Variants in COL4A3 observed in about 807,000 individuals in gnomAD.
The protein encoded by COL4A3 is collagen alpha-3(IV) chain.
In COL4A3, 135 loss-of-function variants were observed where a neutral mutation model predicts 217.4. That is an observed-to-expected ratio of 0.62 (90% CI 0.54 to 0.72). The LOEUF (loss-of-function observed/expected upper bound fraction) is 0.72. COL4A3 is among the 30% of genes least tolerant of loss of function. The probability of loss-of-function intolerance (pLI) is 0.00; values close to 1 mark genes in which losing one functional copy is unlikely to be tolerated. For synonymous variants in COL4A3, 690 were observed against 736.3 expected (o/e 0.94, Z 1.02); for missense variants, 1,868 against 2,119.9 (o/e 0.88, Z 2.33).
chr2:227,297,464 C>T (rs1221263021), intron 41 of COL4A3, among the ~76,000 whole-genome samples: 2 of 152,164 alleles, frequency 1.3e-5, no homozygotes, highest in South Asian at 4.1e-4. Flanking sequence ...CAAGATCAGA[C>T]AGCTAGTTGG....
chr2:227,166,221 T>C (rs2065271332), intron 1 of COL4A3, among the ~76,000 whole-genome samples: 1 of 152,268 alleles, frequency 6.6e-6, no homozygotes, highest in Admixed American at 6.5e-5. Context: ...GTAATCTGTT[T>C]GTGTAGCTGG....
chr2:227,266,571 AT>A, intron 22 of COL4A3, 62 bp downstream of exon 22: 3 of 1,301,136 alleles, frequency 2.3e-6, no homozygotes, highest in Admixed American at 1.8e-5. Context: ...ATTATCACTG[AT>A]TTTTCCCCCT....
intron 1 of COL4A3, among the ~76,000 whole-genome samples, chr2:227,202,846 CATATGTGTATATATACAT>C (rs1373138699): frequency 3.2e-5 from 1 of 31,470 alleles, no homozygotes; most frequent in East Asian, 1.4e-3. Flanking sequence ...TGTATATATA[CATATGTGTATATATACAT>C]ATATGTGTAT....
rs1490688611 is a variant in COL4A3 at position 227,254,176 on chromosome 2, T to G, written c.828+2T>G. ...GAGCCTGGACCTCCTGGACCCTCAGTAGGTTATTTAAAGTTATATTGTCCC... is the reference window on the plus strand; with the variant it reads ...GAGCCTGGACCTCCTGGACCCTCAGGAGGTTATTTAAAGTTATATTGTCCC... On this transcript the variant is annotated splice_donor_variant, in intron 14 of 51. Coordinates refer to ENST00000396578, the MANE Select transcript of COL4A3 (RefSeq NM_000091.5). LOFTEE classifies it high-confidence loss of function. 6.2e-7 allele frequency: 1 copy of G among 1,612,416 alleles called. No individual in the cohort carries two copies. The highest frequency in any genetic ancestry group is 8.5e-7 in the Non-Finnish European group (1 of 1,178,772).
intron 1 of COL4A3, among the ~76,000 whole-genome samples, chr2:227,222,028 C>T (rs887816352): frequency 6.6e-6 from 1 of 151,420 alleles, no homozygotes; most frequent in African/African-American, 2.4e-5. Flanking sequence ...ACCTAAGTAG[C>T]TTGTAGTCCC....
Position 227,253,167 on chromosome 2 carries a change from A to G in COL4A3, c.646-129A>G, listed in dbSNP as rs746792785. 1.3e-6 allele frequency: 1 copy of G among 785,394 alleles called. No individual in the cohort carries two copies. Among genetic ancestry groups the G allele is most frequent in the Non-Finnish European group, 2.1e-6 (1 of 472,148 alleles). 48.7% of individuals were successfully genotyped at this position (785,394 alleles called of 1,614,324 possible). ...ATGCTCTTCTCTAAGAAATAGCTAA[A>G]ATATGTATCATTCTAAAATGAAAGT... On this transcript the variant is annotated intron_variant, in intron 11 of 51. Transcript: ENST00000396578. The surrounding 1 kb of genome is among the most constrained non-coding windows in gnomAD (Gnocchi z 4.4).
At position 227,294,514 on chromosome 2, in the gene COL4A3, TG is replaced by T; in HGVS notation, c.3365del (p.Gly1122ValfsTer32). 6.2e-7 allele frequency: 1 copy of T among 1,613,652 alleles called. No individual in the cohort carries two copies. The highest frequency in any genetic ancestry group is 8.5e-7 in the Non-Finnish European group (1 of 1,179,524). ...GGAAAGCCAGGTCCTCATGGTGATT[TG>T]GGTTTTAAAGGAATCAAAGGCCTCC... ...LPGKPGPHGDLGFKGIKGLLG... is the reference protein window; with the variant it reads ...LPGKPGPHGDXGFKGIKGLLG... On this transcript the variant is annotated frameshift_variant, in exon 39 of 52. Transcript: ENST00000396578. LOFTEE classifies it high-confidence loss of function.
At chr2:227,236,810 C>G (rs1424081720) in intron 1 of COL4A3, among the ~76,000 whole-genome samples, 1 of 152,060 alleles carries the variant, frequency 6.6e-6, no homozygotes, top group Non-Finnish European at 1.5e-5. Flanking sequence ...CAGGAGCCCA[C>G]CACCACACCC....
At chr2:227,271,503 G>C (rs1361450213) in intron 25 of COL4A3, among the ~76,000 whole-genome samples, 1 of 79,958 alleles carries the variant, frequency 1.3e-5, no homozygotes, top group Non-Finnish European at 2.4e-5. Context: ...AGGGAGTTTT[G>C]CTCTTGTTGC....
intron 2 of COL4A3, among the ~76,000 whole-genome samples, chr2:227,238,902 A>G (rs1008589876): frequency 6.6e-6 from 1 of 152,194 alleles, no homozygotes; most frequent in Non-Finnish European, 1.5e-5. Context: ...AGAAGCATTT[A>G]TTGAGTTTCT....
chr2:227,277,484 G>C lies in COL4A3; in HGVS notation c.2056G>C (p.Gly686Arg). ...PGSLGKCGDP[G>R]LPGPDGEPGI... ...ATCCCTGGGGAAATGTGGAGATCCTGGTCTTCCAGGGCCTGATGGTGAACC... is the reference window on the plus strand; with the variant it reads ...ATCCCTGGGGAAATGTGGAGATCCTCGTCTTCCAGGGCCTGATGGTGAACC... Residue 686 changes from glycine (G) to arginine (R), a missense_variant, in exon 28 of 52, where the codon GGT becomes CGT. This residue lies in a region of COL4A3 where 1,503 missense variants were observed against 1,786.1 expected (regional missense o/e 0.84). Coordinates refer to ENST00000396578, the MANE Select transcript of COL4A3 (RefSeq NM_000091.5). 1 of 1,612,858 alleles carries C rather than the reference G, an allele frequency of 6.2e-7. No individual in the cohort carries two copies. Among genetic ancestry groups the C allele is most frequent in the Non-Finnish European group, 8.5e-7 (1 of 1,179,570 alleles).
At chr2:227,241,155 A>G (rs1168316831) in intron 3 of COL4A3, among the ~76,000 whole-genome samples, 2 of 152,192 alleles carry the variant, frequency 1.3e-5, no homozygotes, top group African/African-American at 2.4e-5. Flanking sequence ...CTTTGTTTAA[A>G]TAAATACCAT....
rs1281690263 is a variant in COL4A3 at position 227,293,029 on chromosome 2, T to C, written c.3211-162T>C. The C allele has an allele frequency of 2.4e-5, 10 of 424,904 alleles. No individual in the cohort carries two copies. In the South Asian group the frequency reaches 9.8e-4, roughly 42 times the overall value. 26.3% of individuals were successfully genotyped at this position (424,904 alleles called of 1,614,324 possible). On this transcript the variant is annotated intron_variant, in intron 37 of 51. Transcript: ENST00000396578. ...ATTTTGCACTGGGCCCCATAAACCATGTGGCCGTCTTATTCCCAGCACCTA... is the reference window on the plus strand; with the variant it reads ...ATTTTGCACTGGGCCCCATAAACCACGTGGCCGTCTTATTCCCAGCACCTA...
At chr2:227,285,913 A>T (rs1443771872) in intron 34 of COL4A3, among the ~76,000 whole-genome samples, 2 of 152,188 alleles carry the variant, frequency 1.3e-5, no homozygotes, top group Non-Finnish European at 1.5e-5. Context: ...GGCCTCCCTA[A>T]TTTCAATATG....
At chr2:227,309,116 G>A in intron 49 of COL4A3, 40 bp downstream of exon 49, 1 of 1,612,188 alleles carries the variant, frequency 6.2e-7, no homozygotes, top group Non-Finnish European at 8.5e-7. Context: ...GGGACCAAGT[G>A]AATCACTTCC....
chr2:227,227,971 T>G (rs1281598010), intron 1 of COL4A3: 4 of 152,246 alleles, frequency 2.6e-5, no homozygotes, highest in African/African-American at 9.6e-5. Context: ...TTCTCTGCAT[T>G]GCATAAGACG....
rs1045424298 is a variant in COL4A3 at position 227,289,245 on chromosome 2, C to T, written c.2977C>T (p.Pro993Ser). Residue 993 changes from proline to serine, a missense_variant, in exon 35 of 52, where the codon CCA becomes TCA. Physicochemically the swap from Pro to Ser is moderately conservative, Grantham distance 74. Coordinates refer to ENST00000396578, the MANE Select transcript of COL4A3 (RefSeq NM_000091.5). ...AGGACTACCCGGACCAGCAGGACCA[C>T]CAGGTACAGCTGATTCTCAAATAGA... ...LKGLPGPAGP[P>S]GPRGDLGSTG... is the part of the protein sequence containing the mutation. 1.2e-6 allele frequency: 2 copies of T among 1,609,926 alleles called. No homozygotes were observed. The highest frequency in any genetic ancestry group is 1.3e-5 in the African/African-American group (1 of 74,958).
At chr2:227,248,276 C>T (rs2069473919) in intron 8 of COL4A3, 167 bp from the exon 9 acceptor site, 1 of 651,764 alleles carries the variant, frequency 1.5e-6, no homozygotes, top group Middle Eastern at 4.1e-4. Context: ...TATGAAAATG[C>T]TTTGAATTCT....
intron 8 of COL4A3, 32 bp from the exon 9 acceptor site, chr2:227,248,411 G>T: frequency 7.6e-7 from 1 of 1,311,590 alleles, no homozygotes; most frequent in East Asian, 2.3e-5. Flanking sequence ...ATATAACATT[G>T]ATGATGTTTG....
Sources: allele counts gnomAD v4.1 joint callset (sites outside exome capture counted in the v4.1 genomes callset), GRCh38; gene constraint gnomAD v4.1.1; regional missense constraint gnomAD v4.1.1; non-coding constraint Gnocchi (gnomAD v3.1); transcripts MANE v1.5; gene names NCBI Gene and HGNC (gene_info 2026-07-23, HGNC 2026-07-21).